Variants in ARHGAP5 observed in about 807,000 individuals in gnomAD.
ARHGAP5 encodes the protein rho GTPase-activating protein 5.
Under a neutral mutation model 116.6 loss-of-function variants are expected in ARHGAP5, and 23 were observed. The observed-to-expected ratio is 0.20, with a 90% CI of 0.14 to 0.28. ARHGAP5 has a LOEUF of 0.28. Ranked by LOEUF, ARHGAP5 falls within the 10% of genes least tolerant of loss-of-function variation. The pLI, the probability that ARHGAP5 is intolerant of heterozygous loss-of-function variation, is 1.00. For synonymous variants in ARHGAP5, 574 were observed against 602.0 expected, an observed-to-expected ratio of 0.95 and a Z score of 0.68; for missense variants, 1,405 against 1,774.8, an observed-to-expected ratio of 0.79 and a Z score of 3.74.
At position 32,092,064 on chromosome 14, in the gene ARHGAP5, T is replaced by C; in HGVS notation, c.1395T>C (p.Tyr465=). The C allele has an allele frequency of 2.5e-6, 4 of 1,613,802 alleles. No homozygotes were observed. Among genetic ancestry groups the C allele is most frequent in the Non-Finnish European group, 3.4e-6 (4 of 1,179,788 alleles). ...CFVMEDEAYK[Y]ITEADSKEVY... ...TTATGGAGGATGAAGCCTACAAATA[T>C]ATCACTGAGGCTGATAGCAAAGAGG... The change falls in exon 2 of 7, where the codon TAT becomes TAC. Residue 465 remains tyrosine, a synonymous_variant. Transcript: ENST00000345122. This position sits in a 1 kb window ranked among gnomAD's most constrained non-coding sequence, Gnocchi z 4.1.
At chr14:32,111,360 G>C (rs933542871) in intron 2 of ARHGAP5, among the ~76,000 whole-genome samples, 1 of 152,186 alleles carries the variant, frequency 6.6e-6, no homozygotes, top group Non-Finnish European at 1.5e-5. Flanking sequence ...AAAAAGGGGA[G>C]AGCAAGTAAG....
intron 1 of ARHGAP5, among the ~76,000 whole-genome samples, chr14:32,089,561 C>T (rs1566658554): frequency 6.6e-6 from 1 of 151,810 alleles, no homozygotes; most frequent in Non-Finnish European, 1.5e-5. Flanking sequence ...TTATGCAATT[C>T]TTAAAAGTTA....
intron 2 of ARHGAP5, among the ~76,000 whole-genome samples, chr14:32,106,491 G>A (rs1357557150): frequency 2.6e-5 from 4 of 152,150 alleles, no homozygotes; most frequent in Admixed American, 2.0e-4. Context: ...ACCAATATTT[G>A]TGGTGCAGCA....
rs1399229678 is a variant in ARHGAP5 at position 32,092,290 on chromosome 14, C to A, written c.1621C>A (p.Leu541Ile). 2.5e-6 allele frequency: 4 copies of A among 1,613,684 alleles called. No homozygotes were observed. Among genetic ancestry groups the A allele is most frequent in the Non-Finnish European group, 3.4e-6 (4 of 1,179,786 alleles). Residue 541 changes from leucine (L) to isoleucine (I), a missense_variant, in exon 2 of 7, where the codon CTT (leucine) becomes ATT (isoleucine). Transcript: ENST00000345122. The surrounding 1 kb of genome is among the most constrained non-coding windows in gnomAD (Gnocchi z 4.1). ...GAAACTTGCACCTGATAGGGAATCC[C>A]TTCTACTTAAGCATATAGGATTTGT... ...LQKLAPDRESLLLKHIGFVYH... is the reference protein window; with the variant it reads ...LQKLAPDRESILLKHIGFVYH...
chr14:32,154,070 A>G (rs988433158), intron 6 of ARHGAP5: 4 of 153,518 alleles, frequency 2.6e-5, no homozygotes, highest in Admixed American at 1.3e-4. Context: ...AAGAAGTTAC[A>G]TATACAATTA....
intron 2 of ARHGAP5, among the ~76,000 whole-genome samples, chr14:32,097,127 T>A (rs562832566): frequency 1.3e-5 from 2 of 152,340 alleles, no homozygotes; most frequent in African/African-American, 4.8e-5. Context: ...CTCAGTTTGC[T>A]AAGGTTGTTA....
intron 3 of ARHGAP5, among the ~76,000 whole-genome samples, chr14:32,121,013 C>CTTTTTTTT (rs56377207): frequency 4.8e-5 from 5 of 104,964 alleles, no homozygotes; most frequent in Non-Finnish European, 7.0e-5. Context: ...AGGATTATGT[C>CTTTTTTTT]TTTTTTTTTT....
At chr14:32,125,606 G>C (rs985785857) in intron 3 of ARHGAP5, among the ~76,000 whole-genome samples, 6 of 152,090 alleles carry the variant, frequency 3.9e-5, no homozygotes, top group Non-Finnish European at 4.4e-5. Flanking sequence ...AATGTGTAAG[G>C]GTTCAAATTT....
At chr14:32,101,320 A>AT (rs1427899149) in intron 2 of ARHGAP5, among the ~76,000 whole-genome samples, 49 of 152,324 alleles carry the variant, frequency 3.2e-4, no homozygotes, top group African/African-American at 1.2e-3. Flanking sequence ...GTTAATATGT[A>AT]TATATTGAGT....
intron 2 of ARHGAP5, among the ~76,000 whole-genome samples, chr14:32,113,157 T>C (rs746278747): frequency 7.2e-5 from 11 of 152,200 alleles, no homozygotes; most frequent in Non-Finnish European, 1.2e-4. Flanking sequence ...AGGGTGCTTA[T>C]CAGAATTTTG....
intron 3 of ARHGAP5, among the ~76,000 whole-genome samples, chr14:32,140,448 G>T (rs1488424083): frequency 2.0e-5 from 3 of 151,926 alleles, no homozygotes; most frequent in Non-Finnish European, 2.9e-5. Context: ...TTAGCCAGGT[G>T]TGTTGGCGGG....
intron 3 of ARHGAP5, among the ~76,000 whole-genome samples, chr14:32,130,597 G>A (rs748298406): frequency 6.6e-6 from 1 of 151,996 alleles, no homozygotes; most frequent in Non-Finnish European, 1.5e-5. Flanking sequence ...CTGGAGTGCA[G>A]TGGCGCGATC....
At chr14:32,116,713 C>T (rs929033548) in intron 2 of ARHGAP5, among the ~76,000 whole-genome samples, 1 of 152,084 alleles carries the variant, frequency 6.6e-6, no homozygotes, top group Non-Finnish European at 1.5e-5. Context: ...ATTATGCAAT[C>T]AATAATTAGA....
At chr14:32,083,398 G>A (rs2041797404) in intron 1 of ARHGAP5, among the ~76,000 whole-genome samples, 1 of 152,252 alleles carries the variant, frequency 6.6e-6, no homozygotes, top group Admixed American at 6.5e-5. Context: ...TGACAGCAGA[G>A]TTGAGTAGTG....
intron 1 of ARHGAP5, among the ~76,000 whole-genome samples, chr14:32,083,828 AG>A (rs896981220): frequency 2.0e-4 from 30 of 152,200 alleles, no homozygotes; most frequent in African/African-American, 7.2e-4. Context: ...TGGTTCTCCA[AG>A]GTGGAGAGAA....
In ARHGAP5 at chr14:32,090,746, A is replaced by G; in HGVS notation, c.77A>G (p.Asp26Gly). Reference sequence around the variant, plus strand: ...GTTGGACTCTCTGGGACTGAAAAAGACAAAGGTAACTGTGGAGTTGGAAAG... The same window carrying G: ...GTTGGACTCTCTGGGACTGAAAAAGGCAAAGGTAACTGTGGAGTTGGAAAG... ...SIVGLSGTEK[D>G]KGNCGVGKSC... The change falls in exon 2 of 7, where the codon GAC (aspartate) becomes GGC (glycine). Residue 26 changes from aspartate to glycine, a missense_variant. Physicochemically the swap from Asp to Gly is moderately conservative, Grantham distance 94. Transcript: ENST00000345122. 3.1e-6 allele frequency: 5 copies of G among 1,613,618 alleles called. No individual in the cohort carries two copies. Among genetic ancestry groups the G allele is most frequent in the Non-Finnish European group, 4.2e-6 (5 of 1,179,620 alleles).
intron 1 of ARHGAP5, among the ~76,000 whole-genome samples, chr14:32,086,812 A>G (rs951157678): frequency 2.6e-5 from 4 of 151,782 alleles, no homozygotes; most frequent in East Asian, 1.9e-4. Flanking sequence ...TTTAATTTCT[A>G]TAAGGATATA....
chr14:32,102,027 A>G (rs1230028930), intron 2 of ARHGAP5, among the ~76,000 whole-genome samples: 8 of 152,134 alleles, frequency 5.3e-5, no homozygotes, highest in African/African-American at 1.4e-4. Flanking sequence ...TACAGATCTG[A>G]TGGGATAGGC....
In ARHGAP5 at chr14:32,125,671, G is replaced by T. The variant is rs189577405; in HGVS notation, c.3865+8384G>T. 3.3e-5 allele frequency among the ~76,000 whole-genome samples: 5 copies of T among 152,266 alleles called. No homozygotes were observed. In the South Asian group the frequency reaches 8.3e-4, roughly 25 times the overall value. ...TTCTGTATGTGTATTAATTTTAGCTGTCTTATCCCTTTTGATAAGGTTTCC... is the reference window on the plus strand; with the variant it reads ...TTCTGTATGTGTATTAATTTTAGCTTTCTTATCCCTTTTGATAAGGTTTCC... On this transcript the variant is annotated intron_variant, in intron 3 of 6. Coordinates refer to ENST00000345122, the MANE Select transcript of ARHGAP5 (RefSeq NM_001030055.2).
Sources: gnomAD v4.1 joint callset for allele counts (sites outside exome capture counted in the v4.1 genomes callset) on GRCh38, gnomAD v4.1.1 for gene constraint, Gnocchi (gnomAD v3.1) non-coding constraint, MANE v1.5 for transcripts, NCBI Gene and HGNC (gene_info 2026-07-23, HGNC 2026-07-21) for gene names.